SOX5: variants seen among roughly 807,000 people sequenced by gnomAD.
SOX5 encodes the protein SRY-box transcription factor 5.
In SOX5, 9 loss-of-function variants were observed where a neutral mutation model predicts 92.0. The ratio of observed to expected loss-of-function variants is 0.10; its 90% confidence interval spans 0.06 to 0.17. The LOEUF is 0.17. SOX5 is among the 10% of genes least tolerant of loss of function. The probability of loss-of-function intolerance (pLI) is 1.00; values close to 1 mark genes in which losing one functional copy is unlikely to be tolerated. For missense variants in SOX5, 642 were observed against 944.5 expected (o/e 0.68, Z 4.20); for synonymous variants, 344 against 336.3 (o/e 1.02, Z -0.25).
At chr12:23,614,178 G>T (rs1046650495) in intron 8 of SOX5, among the ~76,000 whole-genome samples, 3 of 152,204 alleles carry the variant, frequency 2.0e-5, no homozygotes, top group Non-Finnish European at 4.4e-5. Flanking sequence ...TCAAGGAAGT[G>T]CAGGATGAAG....
intron 11 of SOX5, among the ~76,000 whole-genome samples, chr12:23,556,162 A>C (rs1414081733): frequency 1.3e-5 from 2 of 152,168 alleles, no homozygotes; most frequent in Non-Finnish European, 2.9e-5. Context: ...AGAATTAAGA[A>C]GGTTTTATGA....
chr12:23,753,196 A>G lies in SOX5; in HGVS notation c.568+2442T>C, dbSNP rs2094236622. Reference sequence around the variant, plus strand: ...TTTTTGAATATTAATAGTAAGAAACACTTCTCTAAACCCTTCCAAGCTATG... The same window carrying G: ...TTTTTGAATATTAATAGTAAGAAACGCTTCTCTAAACCCTTCCAAGCTATG... On this transcript the variant is annotated intron_variant, in intron 4 of 14. Coordinates refer to ENST00000451604, the MANE Select transcript of SOX5 (RefSeq NM_006940.6). 2.0e-5 allele frequency among the ~76,000 whole-genome samples: 3 copies of G among 151,928 alleles called. No homozygotes were observed. The South Asian group carries it at 6.2e-4, about 31-fold the overall frequency.
At chr12:24,473,478 T>C (rs745921543) in intron 1 of SOX5, among the ~76,000 whole-genome samples, 2 of 152,228 alleles carry the variant, frequency 1.3e-5, no homozygotes, top group African/African-American at 2.4e-5. Flanking sequence ...TTCCCAACAA[T>C]AGAATTTAAG....
intron 1 of SOX5, among the ~76,000 whole-genome samples, chr12:24,385,890 C>A (rs1443311930): frequency 7.1e-6 from 1 of 141,550 alleles, no homozygotes; most frequent in African/African-American, 2.7e-5. Context: ...TGTGATCATG[C>A]CACTCCAGCC....
chr12:23,905,137 T>A (rs2097278412), intron 1 of SOX5, among the ~76,000 whole-genome samples: 1 of 152,244 alleles, frequency 6.6e-6, no homozygotes, highest in Non-Finnish European at 1.5e-5. Context: ...TTTGAAATAA[T>A]GTACCTAAAG....
At chr12:24,179,931 C>CT (rs899416446) in intron 4 of SOX5, among the ~76,000 whole-genome samples, 146 of 146,966 alleles carry the variant, frequency 9.9e-4, no homozygotes, top group Middle Eastern at 3.5e-3. Context: ...GCCTTATAAT[C>CT]TTTTTTTTTA....
intron 8 of SOX5, among the ~76,000 whole-genome samples, chr12:23,620,581 A>C (rs888489494): frequency 6.6e-6 from 1 of 152,060 alleles, no homozygotes. Flanking sequence ...ATGGTGGCCA[A>C]CCTCGATTTT....
chr12:23,872,872 A>T (rs2096889972), intron 2 of SOX5, among the ~76,000 whole-genome samples: 1 of 152,232 alleles, frequency 6.6e-6, no homozygotes, highest in Non-Finnish European at 1.5e-5. Context: ...TACACCCTGG[A>T]TATTAAAAGA....
chr12:23,911,145 A>T (rs910545101), intron 1 of SOX5, among the ~76,000 whole-genome samples: 1 of 152,130 alleles, frequency 6.6e-6, no homozygotes, highest in Non-Finnish European at 1.5e-5. Flanking sequence ...ATTCCATTGC[A>T]AAAGGGAACA....
At chr12:24,272,069 A>G (rs12812928) in intron 3 of SOX5, among the ~76,000 whole-genome samples, 29,803 of 152,176 alleles carry the variant, frequency 0.2, 3,058 homozygotes, top group Middle Eastern at 0.26. Context: ...TTATAAATCA[A>G]TAAGGGAGAA....
At position 23,895,836 on chromosome 12, in the gene SOX5, T is replaced by G. The variant is rs1366990474; in HGVS notation, c.227A>C (p.Glu76Ala). 1.9e-5 allele frequency: 31 copies of G among 1,613,966 alleles called. No homozygotes were observed. Among genetic ancestry groups the G allele is most frequent in the Non-Finnish European group, 2.5e-5 (30 of 1,179,982 alleles). Residue 76 changes from glutamate (E) to alanine (A), a missense_variant, in exon 2 of 15, where the codon GAG (glutamate) becomes GCG (alanine). By Grantham distance (107) the Glu-to-Ala change is moderately radical. Transcript: ENST00000451604. ...AGTGGGAGTCCTATGGCCACAAGTC[T>G]CTTGCGTCAGCAGAGAAACTGGCTG... is the stretch of plus-strand genomic sequence containing the variant. The part of the protein sequence containing the change: ...EFQPVSLLTQ[E>A]TCGHRTPTSQ...
intron 3 of SOX5, among the ~76,000 whole-genome samples, chr12:23,802,804 G>A (rs2095687379): frequency 6.6e-6 from 1 of 152,060 alleles, no homozygotes; most frequent in South Asian, 2.1e-4. Flanking sequence ...TCTTAACTCT[G>A]CAACTCACAT....
intron 5 of SOX5, among the ~76,000 whole-genome samples, chr12:23,738,759 A>G (rs79998058): frequency 6.6e-6 from 1 of 152,212 alleles, no homozygotes; most frequent in Non-Finnish European, 1.5e-5. Flanking sequence ...CAGCCAAGCT[A>G]CATTTTCTGA....
At chr12:23,570,042 T>C (rs1249597755) in intron 10 of SOX5, among the ~76,000 whole-genome samples, 3 of 152,316 alleles carry the variant, frequency 2.0e-5, no homozygotes, top group South Asian at 2.1e-4. Flanking sequence ...TTCTTATCAA[T>C]AGAAGCCTGG....
intron 1 of SOX5, among the ~76,000 whole-genome samples, chr12:24,396,361 G>A (rs1339796377): frequency 6.6e-6 from 1 of 152,174 alleles, no homozygotes; most frequent in Admixed American, 6.5e-5. Context: ...GTCATGTTCA[G>A]TGTGACTGGA....
chr12:23,915,834 G>A (rs1307557875), intron 1 of SOX5, among the ~76,000 whole-genome samples: 1 of 152,190 alleles, frequency 6.6e-6, no homozygotes, highest in African/African-American at 2.4e-5. Flanking sequence ...CACATAAACA[G>A]TGGTTCCCTC....
chr12:24,197,366 T>C (rs1957104639), intron 4 of SOX5, among the ~76,000 whole-genome samples: 1 of 152,166 alleles, frequency 6.6e-6, no homozygotes, highest in Non-Finnish European at 1.5e-5. Flanking sequence ...AAGGAAACCC[T>C]AGACAAAGGA....
intron 1 of SOX5, among the ~76,000 whole-genome samples, chr12:24,497,716 T>C (rs1020405101): frequency 6.6e-6 from 1 of 152,134 alleles, no homozygotes; most frequent in African/African-American, 2.4e-5. Context: ...CCCAAAGGAA[T>C]ATAAATCATT....
At position 23,832,808 on chromosome 12, in the gene SOX5, C is replaced by A. The variant is rs1322359946; in HGVS notation, c.481+13175G>T. ...GCTCACTTTTAGGCAAAAAAAAAAA[C>A]CCTTACTTTAAATTAAAATTTGCAT... On this transcript the variant is annotated intron_variant, in intron 3 of 14. Coordinates refer to ENST00000451604, the MANE Select transcript of SOX5 (RefSeq NM_006940.6). 2.7e-5 allele frequency among the ~76,000 whole-genome samples: 4 copies of A among 149,530 alleles called. No individual in the cohort carries two copies. In the South Asian group the frequency reaches 6.3e-4, roughly 24 times the overall value.
Sources: allele counts gnomAD v4.1 joint callset (sites outside exome capture counted in the v4.1 genomes callset), GRCh38; gene constraint gnomAD v4.1.1; transcripts MANE v1.5; gene names NCBI Gene and HGNC (gene_info 2026-07-23, HGNC 2026-07-21).